The following TMEM135 variants were observed in gnomAD, a reference collection of about 807,000 sequenced individuals.
TMEM135 encodes peroxisomal membrane protein 52.
Under a neutral mutation model 60.3 loss-of-function variants are expected in TMEM135, and 30 were observed. The ratio of observed to expected loss-of-function variants is 0.50; its 90% CI spans 0.37 to 0.68. TMEM135 has a LOEUF of 0.68. TMEM135 is among the 30% of genes least tolerant of loss of function. TMEM135 has a pLI of 0.00. For missense variants in TMEM135, 468 were observed against 548.8 expected (o/e 0.85, Z 1.47); for synonymous variants, 190 against 186.7 (o/e 1.02, Z -0.14).
In TMEM135 at chr11:87,318,196, T is replaced by C; in HGVS notation, c.1137T>C (p.Thr379=). 1 of 1,612,794 alleles carries C rather than the reference T, an allele frequency of 6.2e-7. No homozygotes were observed. Among genetic ancestry groups the C allele is most frequent in the Non-Finnish European group, 8.5e-7 (1 of 1,179,708 alleles). The part of the protein sequence containing the change: ...GKVPYFPHAD[T]IIYSISTAIC... ...TTCCCTATTTTCCTCATGCAGATAC[T>C]ATCATCTATTCCATCTCTACAGCAA... The change falls in exon 13 of 15, where the codon ACT becomes ACC. Residue 379 remains threonine (T), a synonymous_variant. Coordinates refer to ENST00000305494, the MANE Select transcript of TMEM135 (RefSeq NM_022918.4).
intron 8 of TMEM135, among the ~76,000 whole-genome samples, chr11:87,304,733 A>G (rs978965225): frequency 5.9e-5 from 9 of 152,232 alleles, no homozygotes; most frequent in African/African-American, 2.2e-4. Context: ...GAGCCAGAAC[A>G]TTGCTCTGCA....
chr11:87,272,519 G>T (rs767783726), intron 6 of TMEM135, among the ~76,000 whole-genome samples: 25 of 152,182 alleles, frequency 1.6e-4, no homozygotes, highest in Non-Finnish European at 3.4e-4. Flanking sequence ...GAAGTATAGT[G>T]GTGTGATCAC....
intron 4 of TMEM135, among the ~76,000 whole-genome samples, chr11:87,123,965 T>C (rs901369826): frequency 5.9e-5 from 9 of 152,198 alleles, no homozygotes; most frequent in African/African-American, 2.2e-4. Flanking sequence ...ACTCTAAGAT[T>C]TGAATCTGCA....
chr11:87,193,930 A>T (rs937409554), intron 5 of TMEM135, among the ~76,000 whole-genome samples: 4 of 151,940 alleles, frequency 2.6e-5, no homozygotes, highest in African/African-American at 9.7e-5. Flanking sequence ...GTGGACTGTG[A>T]TAAAGAATTT....
rs757156329 is a variant in TMEM135 at position 87,067,709 on chromosome 11, C to T, written c.157C>T (p.Arg53Trp). 7 of 1,613,540 alleles carry T rather than the reference C, an allele frequency of 4.3e-6. No homozygotes were observed. The highest frequency in any genetic ancestry group is 2.2e-5 in the South Asian group (2 of 91,042). Reference sequence around the variant, plus strand: ...CTCTTTCCAGATTGCAGCAATTCTCCGGAAACGGAAATTAGACTATTATTT... The same window carrying T: ...CTCTTTCCAGATTGCAGCAATTCTCTGGAAACGGAAATTAGACTATTATTT... ...APLYLIAAILRKRKLDYYLHK... is the reference protein window; with the variant it reads ...APLYLIAAILWKRKLDYYLHK... The change falls in exon 2 of 15, where the codon CGG (arginine) becomes TGG (tryptophan). Residue 53 changes from arginine to tryptophan, a missense_variant. Coordinates refer to ENST00000305494, the MANE Select transcript of TMEM135 (RefSeq NM_022918.4).
chr11:87,134,121 C>T (rs1376829060), intron 4 of TMEM135, among the ~76,000 whole-genome samples: 1 of 152,044 alleles, frequency 6.6e-6, no homozygotes, highest in Non-Finnish European at 1.5e-5. Flanking sequence ...TATTTTCTAA[C>T]AGTTCTAGAT....
At chr11:87,248,006 C>A (rs1332935724) in intron 6 of TMEM135, among the ~76,000 whole-genome samples, 89 of 126,932 alleles carry the variant, frequency 7.0e-4, no homozygotes, top group African/African-American at 2.6e-3. Context: ...TGGCTGCCAG[C>A]TTGATAGCCT....
chr11:87,175,912 A>G (rs564965007), intron 5 of TMEM135, among the ~76,000 whole-genome samples: 2 of 152,330 alleles, frequency 1.3e-5, no homozygotes, highest in East Asian at 3.8e-4. Flanking sequence ...TTTGCATATA[A>G]TATTAGGTGA....
chr11:87,137,463 T>A (rs879564309), intron 4 of TMEM135, among the ~76,000 whole-genome samples: 18 of 152,276 alleles, frequency 1.2e-4, no homozygotes, highest in Admixed American at 2.0e-4. Context: ...GTTTGCCTAC[T>A]TAAAAAAATT....
At chr11:87,062,558 G>A (rs1333938001) in intron 1 of TMEM135, among the ~76,000 whole-genome samples, 5 of 150,456 alleles carry the variant, frequency 3.3e-5, no homozygotes, top group African/African-American at 7.3e-5. Context: ...CCACCTCCTC[G>A]AGTTCAAGCG....
At chr11:87,235,668 C>G (rs1261849849) in intron 5 of TMEM135, among the ~76,000 whole-genome samples, 1 of 151,882 alleles carries the variant, frequency 6.6e-6, no homozygotes, top group African/African-American at 2.4e-5. Flanking sequence ...ATTGACGATT[C>G]TTAGGCTTAA....
chr11:87,252,426 C>G (rs1235841877), intron 6 of TMEM135, among the ~76,000 whole-genome samples: 2 of 152,068 alleles, frequency 1.3e-5, no homozygotes, highest in African/African-American at 4.8e-5. Flanking sequence ...ATCTAATGCT[C>G]GTGGCTTTCT....
At chr11:87,082,050 G>A (rs569941618) in intron 3 of TMEM135, among the ~76,000 whole-genome samples, 1 of 152,218 alleles carries the variant, frequency 6.6e-6, no homozygotes, top group South Asian at 2.1e-4. Context: ...AGTTGTGTAT[G>A]TCTATGCATA....
At chr11:87,248,689 G>C (rs1168126200) in intron 6 of TMEM135, among the ~76,000 whole-genome samples, 2 of 151,900 alleles carry the variant, frequency 1.3e-5, no homozygotes, top group Non-Finnish European at 2.9e-5. Flanking sequence ...TACTGAATCT[G>C]TAGATTGCTT....
chr11:87,205,019 G>A (rs1026161021), intron 5 of TMEM135, among the ~76,000 whole-genome samples: 1 of 151,878 alleles, frequency 6.6e-6, no homozygotes, highest in Non-Finnish European at 1.5e-5. Flanking sequence ...GTAAACTATT[G>A]CACTTTTAAA....
At chr11:87,104,693 A>AT (rs960502001) in intron 4 of TMEM135, among the ~76,000 whole-genome samples, 1 of 151,864 alleles carries the variant, frequency 6.6e-6, no homozygotes. Flanking sequence ...TGTAAATGGG[A>AT]TTTTTTTCTT....
intron 5 of TMEM135, among the ~76,000 whole-genome samples, chr11:87,198,924 C>A (rs938269412): frequency 6.6e-6 from 1 of 152,126 alleles, no homozygotes; most frequent in East Asian, 1.9e-4. Context: ...AGGGATTTTC[C>A]TGCTCTCAAG....
At chr11:87,131,562 A>G (rs74344269) in intron 4 of TMEM135, among the ~76,000 whole-genome samples, 15,566 of 152,150 alleles carry the variant, frequency 0.1, 809 homozygotes, top group African/African-American at 0.12. Context: ...TACCATGAAT[A>G]TAATTTAATC....
intron 1 of TMEM135, among the ~76,000 whole-genome samples, chr11:87,067,009 A>G (rs1056097836): frequency 1.3e-5 from 2 of 151,052 alleles, no homozygotes; most frequent in African/African-American, 4.9e-5. Flanking sequence ...CTTGAACTCC[A>G]GACCTTGTGA....
Sources: allele counts gnomAD v4.1 joint callset (sites outside exome capture counted in the v4.1 genomes callset), GRCh38; gene constraint gnomAD v4.1.1; transcripts MANE v1.5; gene names NCBI Gene and HGNC (gene_info 2026-07-23, HGNC 2026-07-21).